Variants in JADE3 observed in about 807,000 individuals in gnomAD.
JADE3 encodes protein Jade-3.
A neutral mutation model predicts 50.1 loss-of-function variants in JADE3; 2 were observed. That is an observed-to-expected ratio of 0.04 (90% confidence interval 0.02 to 0.13). JADE3 has a LOEUF of 0.13. Among genes scored for constraint, JADE3 ranks in the 10% least tolerant of loss-of-function variants. The probability of loss-of-function intolerance (pLI) is 1.00; values close to 1 mark genes in which losing one functional copy is unlikely to be tolerated. For missense variants in JADE3, 475 were observed against 634.4 expected (o/e 0.75, Z 2.70); for synonymous variants, 218 against 232.9 (o/e 0.94, Z 0.58).
chrX:47,029,000 T>G (rs1472205971), intron 6 of JADE3, among the ~76,000 whole-genome samples: 2 of 111,995 alleles, frequency 1.8e-5, no homozygotes, highest in African/African-American at 6.5e-5. Flanking sequence ...TATATTTCAT[T>G]CATTTTGTTA....
intron 1 of JADE3, among the ~76,000 whole-genome samples, chrX:46,935,179 C>CCA: frequency 9.0e-6 from 1 of 111,667 alleles, no homozygotes. Flanking sequence ...AGTGATTCAC[C>CCA]TGCTTCAACC....
At chrX:47,018,290 A>G (rs1928717565) in intron 4 of JADE3, among the ~76,000 whole-genome samples, 1 of 109,464 alleles carries the variant, frequency 9.1e-6, no homozygotes, top group Non-Finnish European at 1.9e-5. Flanking sequence ...TATCACTTTT[A>G]CTTTCAATTA....
chrX:47,007,988 A>G (rs1246924122), intron 4 of JADE3, among the ~76,000 whole-genome samples: 1 of 111,247 alleles, frequency 9.0e-6, no homozygotes, highest in African/African-American at 3.3e-5. Flanking sequence ...TTGAATTTGT[A>G]ATTAAAAACT....
rs1189220717 is a variant in JADE3, at chrX:47,059,715, C to G, written c.*638C>G. On this transcript the variant is annotated 3_prime_UTR_variant, in exon 11 of 11. Transcript: ENST00000614628. The stretch of plus-strand genomic sequence containing the variant: ...TTGCTTGTTGGGGACACACTCATAA[C>G]TATTTCACCTGACTGACAAGCATAA... The G allele has an allele frequency of 8.9e-6, 1 of 111,913 alleles. No individual in the cohort carries two copies. The highest frequency in any genetic ancestry group is 9.6e-5 in the Admixed American group (1 of 10,396). The allele number at this position is 111,913 out of a possible 1,213,427, so 9.2% of individuals were successfully genotyped here. A position where few individuals can be genotyped will look rare whatever the true frequency, so the allele number is the denominator to read the frequency against.
At chrX:46,973,443 T>G (rs781982958) in intron 1 of JADE3, among the ~76,000 whole-genome samples, 1 of 112,619 alleles carries the variant, frequency 8.9e-6, no homozygotes, top group South Asian at 3.7e-4. Context: ...TTCTGCTATC[T>G]CTTTCAAAGA....
At chrX:46,968,595 G>GA (rs1292198314) in intron 1 of JADE3, among the ~76,000 whole-genome samples, 4 of 110,181 alleles carry the variant, frequency 3.6e-5, no homozygotes, top group Non-Finnish European at 7.6e-5. Context: ...TAAATGGATG[G>GA]AAAAAAAATA....
At chrX:46,994,992 A>G (rs1184725593) in intron 3 of JADE3, among the ~76,000 whole-genome samples, 1 of 110,258 alleles carries the variant, frequency 9.1e-6, no homozygotes, top group Non-Finnish European at 1.9e-5. Context: ...CAGTATACCA[A>G]TCCAGGTGGT....
intron 1 of JADE3, among the ~76,000 whole-genome samples, chrX:46,964,925 A>AT (rs1556348610): frequency 1.1e-4 from 12 of 112,387 alleles, no homozygotes; most frequent in Non-Finnish European, 1.7e-4. Context: ...ACCCCGATCT[A>AT]AAAGGTTGTG....
chrX:46,946,632 G>A (rs1556343509), intron 1 of JADE3, among the ~76,000 whole-genome samples: 1 of 112,053 alleles, frequency 8.9e-6, no homozygotes, highest in Non-Finnish European at 1.9e-5. Context: ...ATATAGTGAA[G>A]ATTCAACTGT....
chrX:46,995,527 T>C (rs1368231022), intron 3 of JADE3, among the ~76,000 whole-genome samples: 1 of 111,925 alleles, frequency 8.9e-6, no homozygotes, highest in Non-Finnish European at 1.9e-5. Flanking sequence ...TTATTGTTTC[T>C]TTATGAAAAT....
Position 47,033,647 on chromosome X carries a change from A to G in JADE3, c.714A>G (p.Pro238=), listed in dbSNP as rs782037357. The part of the protein sequence containing the change: ...HQACYGILKV[P]EGSWLCRSCV... The stretch of plus-strand genomic sequence containing the variant: ...CCTGCTATGGCATCCTCAAGGTCCC[A>G]GAAGGCAGCTGGCTGTGTCGCTCCT... Residue 238 remains proline (P), a synonymous_variant, in exon 7 of 11, where the codon CCA becomes CCG. Coordinates refer to ENST00000614628, the MANE Select transcript of JADE3 (RefSeq NM_014735.5). 2.5e-6 allele frequency: 3 copies of G among 1,208,730 alleles called. No individual in the cohort carries two copies. Among genetic ancestry groups the G allele is most frequent in the Non-Finnish European group, 3.4e-6 (3 of 894,033 alleles).
chrX:46,958,287 T>G (rs1054119547), intron 1 of JADE3, among the ~76,000 whole-genome samples: 9 of 112,498 alleles, frequency 8.0e-5, no homozygotes, highest in African/African-American at 2.6e-4. Context: ...ACAATTTAAT[T>G]GCAGTGACTT....
intron 1 of JADE3, among the ~76,000 whole-genome samples, chrX:46,975,040 C>T (rs1180564275): frequency 1.9e-4 from 3 of 16,067 alleles, no homozygotes; most frequent in African/African-American, 5.3e-4. Context: ...CAGATATTGC[C>T]AAATGTCCCC....
chrX:46,914,631 T>G (rs1479910285), intron 1 of JADE3, among the ~76,000 whole-genome samples: 1 of 112,305 alleles, frequency 8.9e-6, no homozygotes, highest in African/African-American at 3.2e-5. Context: ...AGTTGTGCTC[T>G]TCTTTATGCT....
At chrX:47,017,476 AC>A (rs1928700450) in intron 4 of JADE3, among the ~76,000 whole-genome samples, 1 of 112,016 alleles carries the variant, frequency 8.9e-6, no homozygotes, top group Admixed American at 9.5e-5. Flanking sequence ...TTGAAAGCAA[AC>A]ATACATTATA....
intron 1 of JADE3, among the ~76,000 whole-genome samples, chrX:46,932,398 A>G (rs1926516648): frequency 8.9e-6 from 1 of 112,227 alleles, no homozygotes; most frequent in South Asian, 3.7e-4. Flanking sequence ...TAATTTTCCT[A>G]TAGGGCATAA....
At chrX:46,983,186 C>T (rs782491413) in intron 1 of JADE3, among the ~76,000 whole-genome samples, 6 of 112,027 alleles carry the variant, frequency 5.4e-5, no homozygotes, top group Non-Finnish European at 9.4e-5. Context: ...AACTTCTGTA[C>T]ACTCAGTTGC....
intron 9 of JADE3, among the ~76,000 whole-genome samples, 176 bp from the exon 10 acceptor site, chrX:47,055,906 G>T (rs1322793955): frequency 8.9e-6 from 1 of 112,183 alleles, no homozygotes; most frequent in East Asian, 2.8e-4. Flanking sequence ...ATAGATCCCA[G>T]AATTGACCAT....
rs200813041 is a variant in JADE3 at position 46,998,081 on chromosome X, A to G, written c.127-39A>G. The G allele has an allele frequency of 1.4e-3, 1,575 of 1,129,590 alleles. 25 individuals are homozygous for G. The South Asian group carries it at 0.029, about 21-fold the overall frequency. The allele number at this position is 1,129,590 out of a possible 1,213,427, so 93.1% of individuals were successfully genotyped here. On this transcript the variant is annotated intron_variant, in intron 3 of 10. Transcript: ENST00000614628. ...GAACATTGAATGGTATCAGTTGCAT[A>G]GTGATGGTCTTCTCAAGATATGTGC...
Sources: gnomAD v4.1 joint callset for allele counts (sites outside exome capture counted in the v4.1 genomes callset) on GRCh38, gnomAD v4.1.1 for gene constraint, MANE v1.5 for transcripts, NCBI Gene and HGNC (gene_info 2026-07-23, HGNC 2026-07-21) for gene names.